Variants in PRAG1 observed in about 807,000 individuals in gnomAD.
PRAG1 encodes inactive tyrosine-protein kinase PRAG1.
PRAG1 carries 110 observed loss-of-function variants against 95.6 expected under a neutral mutation model. That is an observed-to-expected ratio of 1.15 (90% CI 0.99 to 1.35). PRAG1 has a LOEUF of 1.35. Among genes scored for constraint, PRAG1 ranks in the 40% most tolerant of loss-of-function variants. PRAG1 has a pLI of 0.00. For missense variants in PRAG1, 2,554 were observed against 1,864.7 expected, an observed-to-expected ratio of 1.37 and a Z score of -6.81; for synonymous variants, 1,052 against 819.4, an observed-to-expected ratio of 1.28 and a Z score of -4.85.
chr8:8,373,033 G>A (rs1421022998), intron 3 of PRAG1, among the ~76,000 whole-genome samples: 1 of 152,264 alleles, frequency 6.6e-6, no homozygotes, highest in African/African-American at 2.4e-5. Flanking sequence ...TCACAAATGG[G>A]CCCATGTGAA....
Position 8,376,492 on chromosome 8 carries a change from T to C in PRAG1, c.1917A>G (p.Ile639Met), listed in dbSNP as rs1320389315. Residue 639 changes from isoleucine to methionine, a missense_variant, in exon 3 of 6, where the codon ATA (isoleucine) becomes ATG (methionine). Ile to Met is a conservative substitution (Grantham distance 10). Transcript: ENST00000615670. ...CCTGCTCCACCTCCTCTTCTTCCTC[T>C]ATCCGGCACTGACGACTCCAGGTGC... is the stretch of plus-strand genomic sequence containing the variant. The part of the protein sequence containing the change: ...QAGTWSRQCR[I>M]EEEEEVEQEL... 6.2e-7 allele frequency: 1 copy of C among 1,612,860 alleles called. No individual in the cohort carries two copies. The highest frequency in any genetic ancestry group is 2.2e-5 in the East Asian group (1 of 44,878).
chr8:8,380,687 T>C (rs1039205311), intron 2 of PRAG1, among the ~76,000 whole-genome samples: 3 of 151,726 alleles, frequency 2.0e-5, no homozygotes, highest in Non-Finnish European at 2.9e-5. Flanking sequence ...AACCCATCTC[T>C]ACTAAAAATA....
Position 8,376,349 on chromosome 8 carries a change from A to G in PRAG1, c.2060T>C (p.Val687Ala). Residue 687 changes from valine to alanine, a missense_variant, in exon 3 of 6, where the codon GTT (valine) becomes GCT (alanine). By Grantham distance (64) the Val-to-Ala change is moderately conservative. Coordinates refer to ENST00000615670, the MANE Select transcript of PRAG1 (RefSeq NM_001080826.3). ...TDGSSGQNSK[V>A]GTGMSKSASF... is the part of the protein sequence containing the mutation. The stretch of plus-strand genomic sequence containing the variant: ...GGCGGATTTGCTCATCCCGGTCCCA[A>G]CTTTGCTGTTCTGCCCAGAGGAGCC... 1 of 1,614,202 alleles carries G rather than the reference A, an allele frequency of 6.2e-7. No homozygotes were observed. The highest frequency in any genetic ancestry group is 8.5e-7 in the Non-Finnish European group (1 of 1,180,024).
chr8:8,374,468 C>T (rs1261575587), intron 3 of PRAG1: 3 of 165,648 alleles, frequency 1.8e-5, no homozygotes, highest in Non-Finnish European at 3.7e-5. Context: ...AGGAGTCTTG[C>T]AGGTACAGCA....
intron 3 of PRAG1, among the ~76,000 whole-genome samples, chr8:8,359,983 C>T (rs1274949673): frequency 2.0e-5 from 3 of 152,034 alleles, no homozygotes; most frequent in African/African-American, 7.3e-5. Flanking sequence ...CTCCTTTGAC[C>T]CTGGAAACTG....
chr8:8,381,573 G>A lies in PRAG1; in HGVS notation c.175C>T (p.Arg59Cys), dbSNP rs753931513. The change falls in exon 2 of 6, where the codon CGC becomes TGC. Residue 59 changes from arginine to cysteine, a missense_variant. Arg to Cys is a radical substitution (Grantham distance 180). Coordinates refer to ENST00000615670, the MANE Select transcript of PRAG1 (RefSeq NM_001080826.3). ...PRAGSLPPPPRLPPRPENCRL... is the reference protein window; with the variant it reads ...PRAGSLPPPPCLPPRPENCRL... ...CAGTTCTCAGGCCTGGGAGGCAGGC[G>A]CGGTGGAGGGGGCAGGCTGCCCGCT... 12 of 1,614,056 alleles carry A rather than the reference G, an allele frequency of 7.4e-6. No homozygotes were observed. Among genetic ancestry groups the A allele is most frequent in the Admixed American group, 3.3e-5 (2 of 60,012 alleles).
At chr8:8,371,044 G>C (rs967086868) in intron 3 of PRAG1, among the ~76,000 whole-genome samples, 1 of 148,770 alleles carries the variant, frequency 6.7e-6, no homozygotes, top group African/African-American at 2.5e-5. Flanking sequence ...GCTGAGGCAG[G>C]AAAATCGCTT....
intron 3 of PRAG1, among the ~76,000 whole-genome samples, chr8:8,343,095 A>G (rs1359650960): frequency 6.6e-6 from 1 of 152,224 alleles, no homozygotes; most frequent in Non-Finnish European, 1.5e-5. Context: ...TAAAATGGAA[A>G]TGAACAGGCA....
At position 8,318,077 on chromosome 8, in the gene PRAG1, G is replaced by C; in HGVS notation, c.*77C>G. 3 of 1,418,344 alleles carry C rather than the reference G, an allele frequency of 2.1e-6. No individual in the cohort carries two copies. Among genetic ancestry groups the C allele is most frequent in the Non-Finnish European group, 2.8e-6 (3 of 1,057,188 alleles). The allele number at this position is 1,418,344 out of a possible 1,614,324, so 87.9% of individuals were successfully genotyped here. A position where few individuals can be genotyped will look rare whatever the true frequency, so the allele number is the denominator to read the frequency against. ...AGTCATCTGTACCATTTCCCAGGGAGACATGGGTGCTTCCAAGGCGAGACA... is the reference window on the plus strand; with the variant it reads ...AGTCATCTGTACCATTTCCCAGGGACACATGGGTGCTTCCAAGGCGAGACA... On this transcript the variant is annotated 3_prime_UTR_variant, in exon 6 of 6. Transcript: ENST00000615670. The surrounding 1 kb of genome is among the most constrained non-coding windows in gnomAD (Gnocchi z 4.2).
intron 3 of PRAG1, among the ~76,000 whole-genome samples, chr8:8,346,297 C>G (rs993030307): frequency 2.0e-5 from 3 of 152,218 alleles, no homozygotes; most frequent in Non-Finnish European, 2.9e-5. Context: ...TTCTTATCAT[C>G]TACAGTGAGA....
intron 3 of PRAG1, among the ~76,000 whole-genome samples, chr8:8,369,397 G>A (rs1800116921): frequency 6.6e-6 from 1 of 152,170 alleles, no homozygotes; most frequent in African/African-American, 2.4e-5. Context: ...AGCCAAAATG[G>A]AGGCCTGTAC....
intron 3 of PRAG1, among the ~76,000 whole-genome samples, chr8:8,344,100 C>T (rs1460578244): frequency 2.0e-5 from 3 of 152,098 alleles, no homozygotes; most frequent in South Asian, 4.2e-4. Context: ...ACTCACATTG[C>T]AATTCTGACT....
chr8:8,353,418 C>T lies in PRAG1; in HGVS notation c.2163-13783G>A, dbSNP rs149951000. On this transcript the variant is annotated intron_variant, in intron 3 of 5. Coordinates refer to ENST00000615670, the MANE Select transcript of PRAG1 (RefSeq NM_001080826.3). The stretch of plus-strand genomic sequence containing the variant: ...AATATGAGGAATTTTGTAAAATTAA[C>T]AGATATGTAATAATGAAACAACATG... 5.2e-3 allele frequency among the ~76,000 whole-genome samples: 793 copies of T among 151,666 alleles called. 7 individuals are homozygous for T. The highest frequency in any genetic ancestry group is 0.018 in the African/African-American group (763 of 41,306).
intron 2 of PRAG1, among the ~76,000 whole-genome samples, 184 bp downstream of exon 2, chr8:8,381,234 A>C (rs1319497155): frequency 6.6e-6 from 1 of 152,224 alleles, no homozygotes; most frequent in African/African-American, 2.4e-5. Context: ...CTTAGCCTAA[A>C]GGGACAGAGA....
Position 8,377,111 on chromosome 8 carries a change from A to G in PRAG1, c.1298T>C (p.Ile433Thr). Residue 433 changes from isoleucine to threonine, a missense_variant, in exon 3 of 6, where the codon ATA (isoleucine) becomes ACA (threonine). Coordinates refer to ENST00000615670, the MANE Select transcript of PRAG1 (RefSeq NM_001080826.3). ...APVPSKSQAK[I>T]EHAAAAQGQG... ...GCCCTGGGCAGCAGCTGCATGTTCTATCTTGGCCTGTGACTTGGAAGGCAC... is the reference window on the plus strand; with the variant it reads ...GCCCTGGGCAGCAGCTGCATGTTCTGTCTTGGCCTGTGACTTGGAAGGCAC... 1 of 1,613,246 alleles carries G rather than the reference A, an allele frequency of 6.2e-7. No individual in the cohort carries two copies. The highest frequency in any genetic ancestry group is 1.7e-5 in the Admixed American group (1 of 60,020).
At chr8:8,356,702 T>G (rs1026982813) in intron 3 of PRAG1, among the ~76,000 whole-genome samples, 1 of 152,110 alleles carries the variant, frequency 6.6e-6, no homozygotes, top group African/African-American at 2.4e-5. Flanking sequence ...CTAAAATTCA[T>G]ATAAAACCTC....
rs753464094 is a variant in PRAG1, at chr8:8,376,574, C to T, written c.1835G>A (p.Cys612Tyr). The T allele has an allele frequency of 1.9e-6, 3 of 1,607,334 alleles. No individual in the cohort carries two copies. Among genetic ancestry groups the T allele is most frequent in the Non-Finnish European group, 2.6e-6 (3 of 1,175,826 alleles). ...NGVAISDPSR[C>Y]PQPAASSASE... Reference sequence around the variant, plus strand: ...GGCTGACGAGGCGGCAGGCTGGGGACACCTGGATGGGTCACTGATAGCGAC... The same window carrying T: ...GGCTGACGAGGCGGCAGGCTGGGGATACCTGGATGGGTCACTGATAGCGAC... Residue 612 changes from cysteine (C) to tyrosine (Y), a missense_variant, in exon 3 of 6, where the codon TGT (cysteine) becomes TAT (tyrosine). Cys to Tyr is a radical substitution (Grantham distance 194). Transcript: ENST00000615670.
intron 5 of PRAG1, among the ~76,000 whole-genome samples, chr8:8,321,501 A>C (rs1001081481): frequency 6.6e-6 from 1 of 152,220 alleles, no homozygotes; most frequent in Non-Finnish European, 1.5e-5. Context: ...CTGTGTTGTC[A>C]GTGGAGATGT....
intron 3 of PRAG1, among the ~76,000 whole-genome samples, chr8:8,343,268 CTGTT>C (rs1306005649): frequency 2.7e-5 from 4 of 148,574 alleles, no homozygotes; most frequent in African/African-American, 5.2e-5. Flanking sequence ...CTCTCTCACA[CTGTT>C]TGTGAGACTG....
Sources: gnomAD v4.1 joint callset for allele counts (sites outside exome capture counted in the v4.1 genomes callset) on GRCh38, gnomAD v4.1.1 for gene constraint, Gnocchi (gnomAD v3.1) non-coding constraint, MANE v1.5 for transcripts, NCBI Gene and HGNC (gene_info 2026-07-23, HGNC 2026-07-21) for gene names.